MICU1: variants seen among roughly 807,000 people sequenced by gnomAD.
MICU1 encodes mitochondrial calcium uptake 1, also known as calcium uptake protein 1, mitochondrial.
A neutral mutation model predicts 56.8 loss-of-function variants in MICU1; 45 were observed. The observed-to-expected ratio is 0.79, with a 90% CI of 0.62 to 1.02. MICU1 has a LOEUF of 1.02. MICU1 is among the 50% of genes least tolerant of loss of function. MICU1 has a pLI of 0.00. For synonymous variants in MICU1, 186 were observed against 195.1 expected, an observed-to-expected ratio of 0.95 and a Z score of 0.39; for missense variants, 504 against 587.1, an observed-to-expected ratio of 0.86 and a Z score of 1.46.
intron 9 of MICU1, among the ~76,000 whole-genome samples, chr10:72,417,016 T>A (rs191161641): frequency 6.6e-6 from 1 of 152,348 alleles, no homozygotes; most frequent in African/African-American, 2.4e-5. Flanking sequence ...ACTGGTGTGC[T>A]CACTACTGCA....
At chr10:72,414,330 A>G (rs1164613221) in intron 9 of MICU1, among the ~76,000 whole-genome samples, 1 of 152,220 alleles carries the variant, frequency 6.6e-6, no homozygotes, top group Non-Finnish European at 1.5e-5. Flanking sequence ...TAAAAATGTA[A>G]TGTAGTAAAT....
chr10:72,431,202 C>T (rs1482912373), intron 8 of MICU1, among the ~76,000 whole-genome samples: 1 of 151,932 alleles, frequency 6.6e-6, no homozygotes, highest in Non-Finnish European at 1.5e-5. Flanking sequence ...GTGATCTTGG[C>T]TCGCTGCAAC....
At chr10:72,538,342 A>G (rs936716998) in intron 4 of MICU1, among the ~76,000 whole-genome samples, 1 of 152,178 alleles carries the variant, frequency 6.6e-6, no homozygotes, top group African/African-American at 2.4e-5. Context: ...AAAAATGAAC[A>G]GAGACTATAA....
chr10:72,392,925 G>C (rs936663924), intron 10 of MICU1, among the ~76,000 whole-genome samples: 3 of 152,244 alleles, frequency 2.0e-5, no homozygotes, highest in Admixed American at 1.3e-4. Context: ...GGAAAGGCTA[G>C]CTGAGTGCAT....
rs756572144 is a variant in MICU1 at position 72,535,005 on chromosome 10, TTTTTATTTTA to T, written c.494-1226_494-1217del. ...ACTTTGATTGCCTATCTCCCTCTAT[TTTTTATTTTA>T]TTTTATTTTATTTTATTTTATTTAT... is the stretch of plus-strand genomic sequence containing the variant. On this transcript the variant is annotated intron_variant, in intron 4 of 11. Transcript: ENST00000361114. Among the ~76,000 whole-genome samples, 102 of 116,412 alleles carry T rather than the reference TTTTTATTTTA, an allele frequency of 8.8e-4. 2 individuals carry two copies. Among genetic ancestry groups the T allele is most frequent in the Admixed American group, 3.1e-3 (37 of 12,062 alleles). The allele number at this position is 116,412 out of a possible 152,430, so 76.4% of individuals were successfully genotyped here. A position where few individuals can be genotyped will look rare whatever the true frequency, so the allele number is the denominator to read the frequency against.
At chr10:72,562,041 T>C (rs549976232) in intron 3 of MICU1, among the ~76,000 whole-genome samples, 6 of 152,190 alleles carry the variant, frequency 3.9e-5, no homozygotes, top group African/African-American at 1.2e-4. Flanking sequence ...TCATCACTCA[T>C]GTTTGCTGAA....
intron 10 of MICU1, among the ~76,000 whole-genome samples, chr10:72,406,626 G>C (rs1411848073): frequency 1.3e-5 from 2 of 151,434 alleles, no homozygotes; most frequent in African/African-American, 4.9e-5. Context: ...AAAAAAGAGA[G>C]AGATGGGGTC....
At position 72,375,472 on chromosome 10, in the gene MICU1, G is replaced by A. The variant is rs577880344; in HGVS notation, c.1270+311C>T. The stretch of plus-strand genomic sequence containing the variant: ...AGACACTCAGATACCTGAGTGCTCC[G>A]TATCCGCTAAGTAGCAAGTTGAGTC... On this transcript the variant is annotated intron_variant, in intron 11 of 11. Transcript: ENST00000361114. Among the ~76,000 whole-genome samples, 4 of 152,286 alleles carry A rather than the reference G, an allele frequency of 2.6e-5. No homozygotes were observed. The East Asian group carries it at 7.7e-4, about 29-fold the overall frequency.
At chr10:72,379,179 G>GT (rs1427125569) in intron 10 of MICU1, among the ~76,000 whole-genome samples, 4 of 152,182 alleles carry the variant, frequency 2.6e-5, no homozygotes, top group Admixed American at 2.6e-4. Flanking sequence ...AATAAGAATA[G>GT]TAACTGTTAA....
At chr10:72,406,216 C>A (rs1198512524) in intron 10 of MICU1, among the ~76,000 whole-genome samples, 1 of 151,706 alleles carries the variant, frequency 6.6e-6, no homozygotes, top group African/African-American at 2.4e-5. Context: ...AAAATAAAAC[C>A]AATTCCATTT....
chr10:72,417,470 A>AAAAG (rs1564855441), intron 9 of MICU1, among the ~76,000 whole-genome samples: 7 of 149,198 alleles, frequency 4.7e-5, no homozygotes, highest in African/African-American at 1.5e-4. Flanking sequence ...AAAAAAAAAA[A>AAAAG]AAAGAAATAT....
intron 3 of MICU1, among the ~76,000 whole-genome samples, chr10:72,553,008 A>T (rs894918991): frequency 1.2e-4 from 18 of 152,334 alleles, no homozygotes; most frequent in African/African-American, 4.3e-4. Flanking sequence ...AAAGACTGCA[A>T]ATTTGTGACC....
chr10:72,513,311 T>C (rs994253895), intron 5 of MICU1, among the ~76,000 whole-genome samples: 3 of 152,252 alleles, frequency 2.0e-5, no homozygotes, highest in Admixed American at 6.5e-5. Flanking sequence ...TACCTAATGA[T>C]GCTCAGCATC....
At chr10:72,556,249 T>C (rs1840156058) in intron 3 of MICU1, among the ~76,000 whole-genome samples, 1 of 152,258 alleles carries the variant, frequency 6.6e-6, no homozygotes, top group Non-Finnish European at 1.5e-5. Flanking sequence ...CTTAAGGTTC[T>C]ATGCAATTCC....
chr10:72,485,881 TCACACACACACACACACG>T (rs989826193), intron 6 of MICU1, among the ~76,000 whole-genome samples: 20 of 147,658 alleles, frequency 1.4e-4, no homozygotes, highest in Admixed American at 4.8e-4. Flanking sequence ...AAAAGGTCAG[TCACACACACACACACACG>T]CACACACACA....
intron 9 of MICU1, among the ~76,000 whole-genome samples, chr10:72,408,572 G>C (rs185175859): frequency 1.3e-5 from 2 of 152,150 alleles, no homozygotes; most frequent in East Asian, 3.8e-4. Context: ...GCCTCCCAAC[G>C]TGCTGGGATT....
chr10:72,486,027 G>A (rs528975760), intron 6 of MICU1, among the ~76,000 whole-genome samples: 1 of 151,786 alleles, frequency 6.6e-6, no homozygotes, highest in Non-Finnish European at 1.5e-5. Flanking sequence ...AAAGTGACAA[G>A]AAAGCATGAA....
At chr10:72,544,282 G>C (rs907037920) in intron 4 of MICU1, among the ~76,000 whole-genome samples, 2 of 152,182 alleles carry the variant, frequency 1.3e-5, no homozygotes, top group Non-Finnish European at 2.9e-5. Context: ...GGAGACGTGA[G>C]TCTTGCCGAA....
intron 8 of MICU1, among the ~76,000 whole-genome samples, chr10:72,466,239 A>G (rs1865791388): frequency 6.6e-6 from 1 of 152,260 alleles, no homozygotes; most frequent in Admixed American, 6.5e-5. Context: ...CTATATGCTG[A>G]CAAAGAGGTC....
Sources: allele counts gnomAD v4.1 joint callset (sites outside exome capture counted in the v4.1 genomes callset), GRCh38; gene constraint gnomAD v4.1.1; transcripts MANE v1.5; gene names NCBI Gene and HGNC (gene_info 2026-07-23, HGNC 2026-07-21).